WIPI1: variants seen among roughly 807,000 people sequenced by gnomAD.
WIPI1 encodes the protein WD repeat domain, phosphoinositide interacting 1, also known as WD repeat domain phosphoinositide-interacting protein 1.
WIPI1 carries 45 observed loss-of-function variants against 55.3 expected under a neutral mutation model. The ratio of observed to expected loss-of-function variants is 0.81; its 90% CI spans 0.64 to 1.04. The LOEUF (loss-of-function observed/expected upper bound fraction) is 1.04. WIPI1 is among the 50% of genes least tolerant of loss of function. The pLI, the probability that WIPI1 is intolerant of heterozygous loss-of-function variation, is 0.00. For synonymous variants in WIPI1, 195 were observed against 217.6 expected (o/e 0.90, Z 0.92); for missense variants, 445 against 559.0 (o/e 0.80, Z 2.06).
intron 3 of WIPI1, among the ~76,000 whole-genome samples, chr17:68,448,851 C>A (rs1367767309): frequency 2.0e-5 from 3 of 152,194 alleles, no homozygotes; most frequent in Non-Finnish European, 2.9e-5. Flanking sequence ...TAAAAGCCTT[C>A]AATCAGAAAA....
At position 68,434,556 on chromosome 17, in the gene WIPI1, C is replaced by T. The variant is rs924059155; in HGVS notation, c.692G>A (p.Arg231Lys). The change falls in exon 7 of 13, where the codon AGG becomes AAG. Residue 231 changes from arginine to lysine, a missense_variant and splice_region_variant. Arg to Lys is a conservative substitution (Grantham distance 26, BLOSUM62 2). Transcript: ENST00000262139. ...KLYEFRRGMK[R>K]YVTISSLVFS... ...AATGGGTTTGACATTGAACACAGAC[C>T]TTTTCATCCCTCTCCGGAACTCATA... is the stretch of plus-strand genomic sequence containing the variant. 1.9e-5 allele frequency: 31 copies of T among 1,613,888 alleles called. No individual in the cohort carries two copies. The highest frequency in any genetic ancestry group is 3.3e-4 in the Middle Eastern group (2 of 6,060).
intron 3 of WIPI1, among the ~76,000 whole-genome samples, chr17:68,449,328 G>C (rs2952296): frequency 0.78 from 118,088 of 152,196 alleles, 46,188 homozygotes; most frequent in African/African-American, 0.85. Context: ...CCAGCACAGT[G>C]CCTGCCTTCA....
chr17:68,446,611 CCAAT>C (rs1393764388), intron 3 of WIPI1, among the ~76,000 whole-genome samples: 1 of 152,220 alleles, frequency 6.6e-6, no homozygotes, highest in Non-Finnish European at 1.5e-5. Flanking sequence ...TCTGACTTAT[CCAAT>C]CACTGTGCCT....
Position 68,457,367 on chromosome 17 carries a change from A to T in WIPI1, c.55T>A (p.Cys19Ser). The T allele has an allele frequency of 6.5e-7, 1 of 1,542,470 alleles. No individual in the cohort carries two copies. Among genetic ancestry groups the T allele is most frequent in the Non-Finnish European group, 8.7e-7 (1 of 1,144,972 alleles). ...PPGGVESALS[C>S]FSFNQDCTSL... Reference sequence around the variant, plus strand: ...GTGCAGTCCTGGTTGAAAGAGAAGCAGCTGAGCGCCGACTCAACCCCGCCC... The same window carrying T: ...GTGCAGTCCTGGTTGAAAGAGAAGCTGCTGAGCGCCGACTCAACCCCGCCC... The change falls in exon 1 of 13, where the codon TGC (cysteine) becomes AGC (serine). Residue 19 changes from cysteine to serine, a missense_variant. Transcript: ENST00000262139.
intron 3 of WIPI1, among the ~76,000 whole-genome samples, chr17:68,446,797 G>C (rs1179697672): frequency 1.3e-5 from 2 of 152,188 alleles, no homozygotes; most frequent in Non-Finnish European, 2.9e-5. Context: ...CATCTGATCT[G>C]ATCTGCATTT....
chr17:68,430,148 C>G lies in WIPI1; in HGVS notation c.813G>C (p.Glu271Asp). 6.2e-7 allele frequency: 1 copy of G among 1,613,002 alleles called. No individual in the cohort carries two copies. The highest frequency in any genetic ancestry group is 8.5e-7 in the Non-Finnish European group (1 of 1,179,616). Reference protein sequence around the residue: ...LEQVTNSRPEEPSTWSGYMGK... With the variant: ...LEQVTNSRPEDPSTWSGYMGK... Reference sequence around the variant, plus strand: ...CCATGTAGCCACTCCAGGTCGAAGGCTCTTCTGGTCGACTAGGGAGTAATG... The same window carrying G: ...CCATGTAGCCACTCCAGGTCGAAGGGTCTTCTGGTCGACTAGGGAGTAATG... Residue 271 changes from glutamate (E) to aspartate (D), a missense_variant, in exon 9 of 13, where the codon GAG (glutamate) becomes GAC (aspartate). Physicochemically the swap from Glu to Asp is conservative, Grantham distance 45 (BLOSUM62 2). Coordinates refer to ENST00000262139, the MANE Select transcript of WIPI1 (RefSeq NM_017983.7).
Position 68,457,483 on chromosome 17 carries a change from C to A in WIPI1, c.-62G>T. On this transcript the variant is annotated 5_prime_UTR_variant, in exon 1 of 13. Transcript: ENST00000262139. ...GCGACAGCCACCTCAGCAGCCCGCC[C>A]GCGCCGGCTCCACGGGCCGGGTCGC... The A allele has an allele frequency of 1.5e-6, 2 of 1,338,560 alleles. No individual in the cohort carries two copies. The highest frequency in any genetic ancestry group is 1.9e-6 in the Non-Finnish European group (2 of 1,041,036). 82.9% of individuals were successfully genotyped at this position (1,338,560 alleles called of 1,614,324 possible).
intron 9 of WIPI1, 93 bp downstream of exon 9, chr17:68,429,902 CT>C (rs2083434105): frequency 2.5e-6 from 4 of 1,578,250 alleles, no homozygotes; most frequent in African/African-American, 1.4e-5. Flanking sequence ...GGCAAGTTTT[CT>C]TTTTTTCTTT....
intron 3 of WIPI1, among the ~76,000 whole-genome samples, chr17:68,446,966 T>G (rs967723749): frequency 1.3e-5 from 2 of 152,238 alleles, no homozygotes; most frequent in Admixed American, 1.3e-4. Flanking sequence ...TGTGAGAGCA[T>G]GCTTCTGGGG....
At chr17:68,456,727 T>C (rs1011622777) in intron 1 of WIPI1, among the ~76,000 whole-genome samples, 1 of 152,060 alleles carries the variant, frequency 6.6e-6, no homozygotes, top group African/African-American at 2.4e-5. Flanking sequence ...GGGTGGGCGA[T>C]GTGAAAACAG....
chr17:68,439,461 A>AG (rs2083982392), intron 4 of WIPI1, among the ~76,000 whole-genome samples: 1 of 152,126 alleles, frequency 6.6e-6, no homozygotes, highest in African/African-American at 2.4e-5. Flanking sequence ...AAAGTAGATT[A>AG]GGGGTTGCCT....
At chr17:68,451,695 C>A (rs2147993172) in intron 2 of WIPI1, among the ~76,000 whole-genome samples, 1 of 152,266 alleles carries the variant, frequency 6.6e-6, no homozygotes, top group Non-Finnish European at 1.5e-5. Flanking sequence ...TGGGAGGGGA[C>A]AGTAACACAG....
At position 68,429,996 on chromosome 17, in the gene WIPI1, G is replaced by T. The variant is rs745724986; in HGVS notation, c.965C>A (p.Thr322Lys). ...TCAGAGTGGGTGTCATTGTACGTAC[G>T]TTGAGAGGGTACAGATGTTCCTCTG... ...SGQRNICTLS[T>K]IQKLPRLLVA... Residue 322 changes from threonine to lysine, a missense_variant and splice_region_variant, in exon 9 of 13, where the codon ACG (threonine) becomes AAG (lysine). Transcript: ENST00000262139. The T allele has an allele frequency of 1.2e-6, 2 of 1,614,102 alleles. No individual in the cohort carries two copies. The highest frequency in any genetic ancestry group is 1.3e-5 in the African/African-American group (1 of 75,048).
In WIPI1 at chr17:68,426,252, G is replaced by GGGGGGGGGGGGGGGGGGGT; in HGVS notation, c.1193-78_1193-77insACCCCCCCCCCCCCCCCCC. 3.6e-6 allele frequency: 3 copies of GGGGGGGGGGGGGGGGGGGT among 828,188 alleles called. 1 individual carries two copies. The highest frequency in any genetic ancestry group is 5.7e-6 in the Non-Finnish European group (3 of 523,390). 51.3% of individuals were successfully genotyped at this position (828,188 alleles called of 1,614,324 possible). A position where few individuals can be genotyped will look rare whatever the true frequency, so the allele number is the denominator to read the frequency against. On this transcript the variant is annotated intron_variant, in intron 11 of 12. Coordinates refer to ENST00000262139, the MANE Select transcript of WIPI1 (RefSeq NM_017983.7). ...CCATGACCTGGCGGGTGGGGAGCGG[G>GGGGGGGGGGGGGGGGGGGT]GGCTCAAATAAAGGGCAAAGGAAGC...
intron 3 of WIPI1, among the ~76,000 whole-genome samples, chr17:68,446,840 C>T (rs2147966833): frequency 6.6e-6 from 1 of 152,292 alleles, no homozygotes; most frequent in South Asian, 2.1e-4. Context: ...ACCATCTGCT[C>T]TGCGGCTCAC....
chr17:68,432,418 A>C (rs2083569620), intron 8 of WIPI1, among the ~76,000 whole-genome samples: 1 of 152,224 alleles, frequency 6.6e-6, no homozygotes, highest in East Asian at 1.9e-4. Context: ...GCCTTGTGTC[A>C]TGCTGAGAAG....
Position 68,457,395 on chromosome 17 carries a change from G to C in WIPI1, c.27C>G (p.Pro9=), listed in dbSNP as rs2084674040. Residue 9 remains proline (P), a synonymous_variant, in exon 1 of 13, where the codon CCC becomes CCG. Transcript: ENST00000262139. MEAEAADA[P]PGGVESALSC... ...TGAGCGCCGACTCAACCCCGCCCGG[G>C]GGAGCGTCCGCGGCCTCGGCCTCCA... 1 of 1,533,286 alleles carries C rather than the reference G, an allele frequency of 6.5e-7. No individual in the cohort carries two copies. The highest frequency in any genetic ancestry group is 8.8e-7 in the Non-Finnish European group (1 of 1,141,402). 95.0% of individuals were successfully genotyped at this position (1,533,286 alleles called of 1,614,324 possible).
intron 12 of WIPI1, chr17:68,425,821 G>A (rs2083131460): frequency 4.9e-6 from 2 of 405,934 alleles, no homozygotes; most frequent in Non-Finnish European, 8.8e-6. Context: ...GCTGGAGGGA[G>A]GCCACCAAGA....
chr17:68,445,002 C>A (rs993473560), intron 3 of WIPI1, among the ~76,000 whole-genome samples: 3 of 149,964 alleles, frequency 2.0e-5, no homozygotes, highest in Non-Finnish European at 4.4e-5. Context: ...CTCACTGCAA[C>A]CTCTGCCTCC....
Sources: gnomAD v4.1 joint callset for allele counts (sites outside exome capture counted in the v4.1 genomes callset) on GRCh38, gnomAD v4.1.1 for gene constraint, MANE v1.5 for transcripts, NCBI Gene and HGNC (gene_info 2026-07-23, HGNC 2026-07-21) for gene names.